The following USP4 variants were observed in gnomAD, a reference collection of about 807,000 sequenced individuals.
The protein encoded by USP4 is ubiquitin specific peptidase 4.
USP4 carries 72 observed loss-of-function variants against 118.2 expected under a neutral mutation model. The observed-to-expected ratio is 0.61, with a 90% CI of 0.50 to 0.74. The LOEUF (loss-of-function observed/expected upper bound fraction) is 0.74. USP4 is among the 30% of genes least tolerant of loss of function. The pLI, the probability that USP4 is intolerant of heterozygous loss-of-function variation, is 0.00. For synonymous variants in USP4, 415 were observed against 440.4 expected (o/e 0.94, Z 0.72); for missense variants, 1,037 against 1,185.7 (o/e 0.87, Z 1.84).
intron 21 of USP4, 41 bp from the exon 22 acceptor site, chr3:49,278,492 A>G: frequency 6.3e-7 from 1 of 1,595,418 alleles, no homozygotes; most frequent in South Asian, 1.1e-5. Context: ...GTGCTTGGAA[A>G]AATCACCCAT....
At chr3:49,296,928 CT>C (rs2047216258) in intron 13 of USP4, among the ~76,000 whole-genome samples, 1 of 152,188 alleles carries the variant, frequency 6.6e-6, no homozygotes, top group Admixed American at 6.5e-5. Flanking sequence ...TGTTCTAGCC[CT>C]TGGCACAGTG....
At chr3:49,331,969 CAAA>C (rs35594824) in intron 2 of USP4, among the ~76,000 whole-genome samples, 1 of 105,856 alleles carries the variant, frequency 9.4e-6, no homozygotes, top group African/African-American at 3.5e-5. Context: ...CCCATCTCTA[CAAA>C]AAAAAAAAAA....
At position 49,294,537 on chromosome 3, in the gene USP4, T is replaced by G; in HGVS notation, c.1753A>C (p.Arg585=). Residue 585 remains arginine, a synonymous_variant, in exon 14 of 22, where the codon AGG becomes CGG. Coordinates refer to ENST00000265560, the MANE Select transcript of USP4 (RefSeq NM_003363.4). ...SECVTLPVYF[R]ERKSRPSSTS... ...CTTGATGGCCTGGACTTCCTCTCCC[T>G]GAAGTAGACTGGAAGCGTGACACAT... 6.2e-7 allele frequency: 1 copy of G among 1,614,172 alleles called. No homozygotes were observed. The highest frequency in any genetic ancestry group is 8.5e-7 in the Non-Finnish European group (1 of 1,180,026).
At chr3:49,309,943 C>CTTTTTTTTTTTTTTATTTTTTTTTTTTTT (rs2047366318) in intron 8 of USP4, among the ~76,000 whole-genome samples, 2 of 40,236 alleles carry the variant, frequency 5.0e-5, no homozygotes, top group East Asian at 7.7e-4. Flanking sequence ...TTTTTTTAAT[C>CTTTTTTTTTTTTTTATTTTTTTTTTTTTT]TTTTTTTTTT....
chr3:49,312,577 G>A (rs775138891), intron 6 of USP4: 17 of 435,528 alleles, frequency 3.9e-5, no homozygotes, highest in South Asian at 1.9e-4. Flanking sequence ...CCAAGATCGC[G>A]CCATTGCACT....
At chr3:49,289,877 G>A (rs1364245002) in intron 15 of USP4, among the ~76,000 whole-genome samples, 4 of 152,124 alleles carry the variant, frequency 2.6e-5, no homozygotes. Flanking sequence ...AGGCCAAGGT[G>A]GGTGGATTGC....
At chr3:49,303,350 AG>A (rs2047279410) in intron 9 of USP4, among the ~76,000 whole-genome samples, 1 of 149,750 alleles carries the variant, frequency 6.7e-6, no homozygotes, top group Admixed American at 6.7e-5. Flanking sequence ...CTGAGGCAGG[AG>A]AATCACTTGA....
intron 8 of USP4, among the ~76,000 whole-genome samples, chr3:49,308,869 T>TAAAA (rs1324629648): frequency 6.6e-6 from 1 of 151,098 alleles, no homozygotes; most frequent in African/African-American, 2.4e-5. Context: ...CTGTCTCTAC[T>TAAAA]AAAAATACAA....
intron 2 of USP4, among the ~76,000 whole-genome samples, chr3:49,334,875 G>A (rs2047653436): frequency 6.6e-6 from 1 of 152,152 alleles, no homozygotes; most frequent in Non-Finnish European, 1.5e-5. Context: ...AAAGAGGTCT[G>A]AAGTCAGGCA....
At chr3:49,314,386 C>T (rs2107790434) in intron 6 of USP4, among the ~76,000 whole-genome samples, 1 of 152,272 alleles carries the variant, frequency 6.6e-6, no homozygotes, top group South Asian at 2.1e-4. Context: ...ACAGCTTCAT[C>T]CTCATGCTGC....
At chr3:49,318,767 G>A (rs772530169) in intron 6 of USP4, 8 of 256,432 alleles carry the variant, frequency 3.1e-5, no homozygotes, top group Non-Finnish European at 4.3e-5. Context: ...AAAATTAGCC[G>A]GGCGTGGTGG....
At chr3:49,331,271 G>A (rs1041978869) in intron 2 of USP4, among the ~76,000 whole-genome samples, 5 of 151,592 alleles carry the variant, frequency 3.3e-5, no homozygotes, top group Non-Finnish European at 7.4e-5. Context: ...GGTGAGCCAA[G>A]ATCGCACCAT....
chr3:49,340,047 C>T lies in USP4; in HGVS notation c.-23G>A, dbSNP rs2047724920. ...CATCTCCTCCGCGGCCCCGGCCCAGCCGGCCCGGACATCCGCCCCGCGCGC... is the reference window on the plus strand; with the variant it reads ...CATCTCCTCCGCGGCCCCGGCCCAGTCGGCCCGGACATCCGCCCCGCGCGC... On this transcript the variant is annotated 5_prime_UTR_variant, in exon 1 of 22. Coordinates refer to ENST00000265560, the MANE Select transcript of USP4 (RefSeq NM_003363.4). 7 of 1,596,572 alleles carry T rather than the reference C, an allele frequency of 4.4e-6. No individual in the cohort carries two copies. The highest frequency in any genetic ancestry group is 1.7e-5 in the Admixed American group (1 of 59,822).
chr3:49,281,966 G>A (rs1375724519), intron 19 of USP4, among the ~76,000 whole-genome samples: 3 of 151,702 alleles, frequency 2.0e-5, no homozygotes, highest in Non-Finnish European at 4.4e-5. Context: ...AGCCGAGATC[G>A]CACCACTGCA....
intron 8 of USP4, among the ~76,000 whole-genome samples, chr3:49,309,217 C>CGT (rs2047354821): frequency 6.6e-6 from 1 of 151,918 alleles, no homozygotes; most frequent in African/African-American, 2.4e-5. Flanking sequence ...AAGTAAATTC[C>CGT]GTGACTCCTT....
At chr3:49,305,636 C>A in intron 9 of USP4, 79 bp downstream of exon 9, 5 of 1,344,552 alleles carry the variant, frequency 3.7e-6, no homozygotes, top group Non-Finnish European at 4.9e-6. Context: ...TCCTAAAAAA[C>A]CTGAAGTCCC....
chr3:49,285,293 C>G (rs1338052569), intron 16 of USP4, among the ~76,000 whole-genome samples: 1 of 151,564 alleles, frequency 6.6e-6, no homozygotes, highest in Non-Finnish European at 1.5e-5. Context: ...GAAGGAGATC[C>G]CTGACAGAAG....
chr3:49,320,267 A>G (rs1352166637), intron 6 of USP4, among the ~76,000 whole-genome samples: 1 of 152,020 alleles, frequency 6.6e-6, no homozygotes, highest in South Asian at 2.1e-4. Context: ...ACATGGAGAA[A>G]CCCTGTCTCT....
At chr3:49,334,961 G>T (rs2107806168) in intron 2 of USP4, among the ~76,000 whole-genome samples, 1 of 152,274 alleles carries the variant, frequency 6.6e-6, no homozygotes, top group African/African-American at 2.4e-5. Flanking sequence ...TGTGTTACAT[G>T]TCGCTTTTCC....
Sources: allele counts gnomAD v4.1 joint callset (sites outside exome capture counted in the v4.1 genomes callset), GRCh38; gene constraint gnomAD v4.1.1; transcripts MANE v1.5; gene names NCBI Gene and HGNC (gene_info 2026-07-23, HGNC 2026-07-21).